Variants in ADCY10 observed in about 807,000 individuals in gnomAD.
ADCY10 encodes the protein adenylate cyclase type 10.
Under a neutral mutation model 183.3 loss-of-function variants are expected in ADCY10, and 156 were observed. The observed-to-expected ratio is 0.85, with a 90% CI of 0.75 to 0.97. The LOEUF (loss-of-function observed/expected upper bound fraction) is 0.97, where lower values mean the gene tolerates loss of function less well. Ranked by LOEUF, ADCY10 falls within the 50% of genes least tolerant of loss-of-function variation. ADCY10 has a pLI of 0.00. For missense variants in ADCY10, 1,745 were observed against 1,934.3 expected, an observed-to-expected ratio of 0.90 and a Z score of 1.84; for synonymous variants, 645 against 670.0, an observed-to-expected ratio of 0.96 and a Z score of 0.58.
intron 6 of ADCY10, 89 bp from the exon 7 acceptor site, chr1:167,896,780 T>C: frequency 1.1e-6 from 1 of 910,884 alleles, no homozygotes; most frequent in Non-Finnish European, 1.8e-6. Flanking sequence ...GAGAGTATGC[T>C]TTTGACTGAA....
rs143320023 is a variant in ADCY10, at chr1:167,827,809, G to T, written c.3750+1458C>A. Among the ~76,000 whole-genome samples, 167 of 151,958 alleles carry T rather than the reference G, an allele frequency of 1.1e-3. 2 individuals are homozygous for T. The highest frequency in any genetic ancestry group is 3.8e-3 in the African/African-American group (159 of 41,436). ...TCTCACTGCAACCTCTGCCTCCTGG[G>T]TTCAAGCAATTCTCCTGCCTCGGCC... On this transcript the variant is annotated intron_variant, in intron 26 of 32. Coordinates refer to ENST00000367851, the MANE Select transcript of ADCY10 (RefSeq NM_018417.6).
At position 167,905,222 on chromosome 1, in the gene ADCY10, GA is replaced by G; in HGVS notation, c.-58-25del. The G allele has an allele frequency of 2.8e-6, 4 of 1,453,536 alleles. No individual in the cohort carries two copies. The Admixed American group carries it at 5.0e-5, about 18-fold the overall frequency. The allele number at this position is 1,453,536 out of a possible 1,614,324, so 90.0% of individuals were successfully genotyped here. ...TTCTAAAAAGAAAATTGAAATAGAG[GA>G]AATCTGATATATTCATTTGCTCATT... On this transcript the variant is annotated intron_variant, in intron 1 of 32. Transcript: ENST00000367851.
At chr1:167,899,123 G>A (rs180809515) in intron 6 of ADCY10, among the ~76,000 whole-genome samples, 2 of 152,230 alleles carry the variant, frequency 1.3e-5, no homozygotes, top group African/African-American at 4.8e-5. Flanking sequence ...TGGATGAACC[G>A]GCAGACCCTT....
In ADCY10 at chr1:167,809,759, A is replaced by G. The variant is rs59725214; in HGVS notation, c.4752T>C (p.Ile1584=). ...CCTGAATGTTTACCCTGCCTGCTACAATTTTTTCCCATGATGGGAGACTCA... is the reference window on the plus strand; with the variant it reads ...CCTGAATGTTTACCCTGCCTGCTACGATTTTTTCCCATGATGGGAGACTCA... ...TILSLPSWEK[I]VAGRVNIQDL... Residue 1584 remains isoleucine, a synonymous_variant, in exon 33 of 33, where the codon ATT becomes ATC. Coordinates refer to ENST00000367851, the MANE Select transcript of ADCY10 (RefSeq NM_018417.6). 2,219 of 1,614,126 alleles carry G rather than the reference A, an allele frequency of 1.4e-3. 25 individuals are homozygous for G. In the African/African-American group the frequency reaches 0.026, roughly 19 times the overall value.
chr1:167,848,360 C>A lies in ADCY10; in HGVS notation c.2437+1G>T. 6.2e-7 allele frequency: 1 copy of A among 1,613,538 alleles called. No homozygotes were observed. The highest frequency in any genetic ancestry group is 8.5e-7 in the Non-Finnish European group (1 of 1,179,720). On this transcript the variant is annotated splice_donor_variant, in intron 19 of 32. Coordinates refer to ENST00000367851, the MANE Select transcript of ADCY10 (RefSeq NM_018417.6). LOFTEE classifies it high-confidence loss of function. Reference sequence around the variant, plus strand: ...CACTGCGCCCGGCCAGATTTTCTTACCTTTTAATGACGTTGGAGGTGACAG... The same window carrying A: ...CACTGCGCCCGGCCAGATTTTCTTAACTTTTAATGACGTTGGAGGTGACAG...
In ADCY10 at chr1:167,878,707, G is replaced by T. The variant is rs547735100; in HGVS notation, c.1217-72C>A. 1.1e-4 allele frequency: 157 copies of T among 1,472,272 alleles called. No individual in the cohort carries two copies. The African/African-American group carries it at 1.9e-3, about 18-fold the overall frequency. The allele number at this position is 1,472,272 out of a possible 1,614,324, so 91.2% of individuals were successfully genotyped here. On this transcript the variant is annotated intron_variant, in intron 11 of 32. Transcript: ENST00000367851. ...TGAACTGAATGTAATCTGAAACATT[G>T]TCCCCAAATAGCATTTTTACCCTTT...
chr1:167,870,126 C>G (rs1459547387), intron 14 of ADCY10, 131 bp downstream of exon 14: 1 of 1,033,888 alleles, frequency 9.7e-7, no homozygotes, highest in African/African-American at 1.6e-5. Context: ...CTATTTAGCA[C>G]AAGGGTCATG....
In ADCY10 at chr1:167,832,976, C is replaced by CT. The variant is rs1260773210; in HGVS notation, c.3593+10_3593+11insA. 6 of 1,613,156 alleles carry CT rather than the reference C, an allele frequency of 3.7e-6. No homozygotes were observed. The Admixed American group carries it at 1.0e-4, about 27-fold the overall frequency. On this transcript the variant is annotated intron_variant, in intron 25 of 32. Coordinates refer to ENST00000367851, the MANE Select transcript of ADCY10 (RefSeq NM_018417.6). ...ACTAAACAGTCTGCTCTCCCCAGCT[C>CT]CTTCCCTTACCCTGGAGGTGGGCTC...
At chr1:167,875,732 C>T (rs1473012912) in intron 12 of ADCY10, among the ~76,000 whole-genome samples, 7 of 151,730 alleles carry the variant, frequency 4.6e-5, no homozygotes, top group African/African-American at 1.5e-4. Context: ...GGGCAGATCA[C>T]GAGGTCAGGA....
intron 21 of ADCY10, among the ~76,000 whole-genome samples, chr1:167,844,653 C>T (rs555902967): frequency 2.6e-5 from 4 of 152,096 alleles, no homozygotes; most frequent in Non-Finnish European, 5.9e-5. Flanking sequence ...CCTCATCAAC[C>T]TTAAAGGGTT....
At chr1:167,907,435 G>C (rs1480848906) in intron 1 of ADCY10, among the ~76,000 whole-genome samples, 1 of 152,116 alleles carries the variant, frequency 6.6e-6, no homozygotes, top group African/African-American at 2.4e-5. Flanking sequence ...CTTCACTTTG[G>C]GACCCAAACT....
intron 7 of ADCY10, among the ~76,000 whole-genome samples, chr1:167,896,136 G>A (rs147437882): frequency 1.3e-5 from 2 of 152,160 alleles, no homozygotes; most frequent in African/African-American, 4.8e-5. Flanking sequence ...GACTAGCGTA[G>A]AAGCTAGGTG....
At chr1:167,855,250 G>A (rs1373828334) in intron 17 of ADCY10, among the ~76,000 whole-genome samples, 1 of 152,240 alleles carries the variant, frequency 6.6e-6, no homozygotes, top group South Asian at 2.1e-4. Flanking sequence ...AACCCGGGAG[G>A]TGGAGGTTGC....
intron 31 of ADCY10, among the ~76,000 whole-genome samples, chr1:167,816,930 A>C (rs1662567740): frequency 6.6e-6 from 1 of 152,256 alleles, no homozygotes; most frequent in African/African-American, 2.4e-5. Context: ...TTATTCTAAA[A>C]GATGACAGTT....
intron 1 of ADCY10, among the ~76,000 whole-genome samples, chr1:167,907,714 GC>G (rs1040946109): frequency 2.6e-5 from 4 of 152,208 alleles, no homozygotes; most frequent in Non-Finnish European, 5.9e-5. Context: ...CCAAGAGCAA[GC>G]CAACATTATT....
At position 167,877,858 on chromosome 1, in the gene ADCY10, C is replaced by T. The variant is rs545177422; in HGVS notation, c.1406+588G>A. ...TTAGGTGGGTGCTGATGAGGACAATCTACTTAAACAACCCAGAGGAGGGGG... is the reference window on the plus strand; with the variant it reads ...TTAGGTGGGTGCTGATGAGGACAATTTACTTAAACAACCCAGAGGAGGGGG... On this transcript the variant is annotated intron_variant, in intron 12 of 32. Coordinates refer to ENST00000367851, the MANE Select transcript of ADCY10 (RefSeq NM_018417.6). Among the ~76,000 whole-genome samples, 15 of 152,232 alleles carry T rather than the reference C, an allele frequency of 9.9e-5. No homozygotes were observed. In the South Asian group the frequency reaches 3.1e-3, roughly 32 times the overall value.
At chr1:167,836,690 G>A in intron 22 of ADCY10, 150 bp from the exon 23 acceptor site, 3 of 643,260 alleles carry the variant, frequency 4.7e-6, no homozygotes, top group Non-Finnish European at 5.4e-6. Flanking sequence ...AGGAGTTCAA[G>A]ACCAGCCTGG....
intron 21 of ADCY10, chr1:167,845,362 A>G: frequency 3.3e-6 from 2 of 610,488 alleles, no homozygotes; most frequent in South Asian, 4.0e-5. Context: ...TTATAGTGAG[A>G]TTGGTTCGCT....
At chr1:167,902,566 T>G (rs758777427) in intron 3 of ADCY10, among the ~76,000 whole-genome samples, 24 of 152,234 alleles carry the variant, frequency 1.6e-4, no homozygotes, top group Non-Finnish European at 2.6e-4. Context: ...TTCTCTCTTT[T>G]AGTTACGCAT....
Sources: gnomAD v4.1 joint callset for allele counts (sites outside exome capture counted in the v4.1 genomes callset) on GRCh38, gnomAD v4.1.1 for gene constraint, MANE v1.5 for transcripts, NCBI Gene and HGNC (gene_info 2026-07-23, HGNC 2026-07-21) for gene names.